HCRTR2: variants seen among roughly 807,000 people sequenced by gnomAD.
HCRTR2 encodes the protein orexin receptor type 2.
Under a neutral mutation model 49.0 loss-of-function variants are expected in HCRTR2, and 22 were observed. The ratio of observed to expected loss-of-function variants is 0.45; its 90% CI spans 0.32 to 0.64. The LOEUF is 0.64. HCRTR2 is among the 30% of genes least tolerant of loss of function. The probability of loss-of-function intolerance (pLI) is 0.04; values close to 1 mark genes in which losing one functional copy is unlikely to be tolerated. For synonymous variants in HCRTR2, 236 were observed against 205.3 expected, an observed-to-expected ratio of 1.15 and a Z score of -1.28; for missense variants, 491 against 559.4, an observed-to-expected ratio of 0.88 and a Z score of 1.23.
At chr6:55,245,384 T>C (rs905751042) in intron 1 of HCRTR2, among the ~76,000 whole-genome samples, 1 of 143,794 alleles carries the variant, frequency 7.0e-6, no homozygotes, top group Admixed American at 7.1e-5. Flanking sequence ...TATATATATA[T>C]ATGTATATAT....
intron 2 of HCRTR2, among the ~76,000 whole-genome samples, chr6:55,253,256 CTG>C: frequency 6.6e-6 from 1 of 151,810 alleles, no homozygotes; most frequent in Non-Finnish European, 1.5e-5. Flanking sequence ...AGGCCTAAAG[CTG>C]TAAAGTGAGT....
At chr6:55,174,293 C>G (rs201021145), upstream of HCRTR2, 5 of 453,532 alleles carry the variant, frequency 1.1e-5, no homozygotes, top group Non-Finnish European at 2.0e-5. Context: ...TTCAGCTGAG[C>G]CGGACGTAGC....
At chr6:55,251,892 T>C (rs1313427587) in intron 2 of HCRTR2, among the ~76,000 whole-genome samples, 1 of 152,010 alleles carries the variant, frequency 6.6e-6, no homozygotes, top group Non-Finnish European at 1.5e-5. Context: ...TCAACATTCA[T>C]AATCCACACT....
chr6:55,234,691 C>T (rs965823660), intron 1 of HCRTR2, among the ~76,000 whole-genome samples: 5 of 151,978 alleles, frequency 3.3e-5, no homozygotes, highest in Admixed American at 6.6e-5. Flanking sequence ...TCAAAAAGTA[C>T]GAAATGTTGG....
intron 5 of HCRTR2, among the ~76,000 whole-genome samples, chr6:55,277,823 C>G (rs1767108340): frequency 6.6e-6 from 1 of 152,120 alleles, no homozygotes; most frequent in South Asian, 2.1e-4. Flanking sequence ...AGTTGCATGG[C>G]AGACATAAAA....
At chr6:55,149,196 C>G (rs1296153261) in intron 1 of HCRTR2, among the ~76,000 whole-genome samples, 2 of 151,850 alleles carry the variant, frequency 1.3e-5, no homozygotes, top group African/African-American at 4.8e-5. Context: ...TTTTTTTTCT[C>G]AACCAAATAC....
chr6:55,120,503 A>C (rs1344451200), intron 1 of HCRTR2, among the ~76,000 whole-genome samples: 4 of 151,620 alleles, frequency 2.6e-5, no homozygotes, highest in Non-Finnish European at 5.9e-5. Flanking sequence ...TGGGTATTTT[A>C]TTCTCTTTGT....
At chr6:55,248,183 T>G (rs537948711) in intron 1 of HCRTR2, among the ~76,000 whole-genome samples, 1 of 152,224 alleles carries the variant, frequency 6.6e-6, no homozygotes, top group African/African-American at 2.4e-5. Flanking sequence ...CCTTAAAAAA[T>G]TATTTGTTAA....
At position 55,174,692 on chromosome 6, in the gene HCRTR2, C is replaced by T. The variant is rs201893337; in HGVS notation, c.105C>T (p.Asp35=). 1 of 1,614,044 alleles carries T rather than the reference C, an allele frequency of 6.2e-7. No homozygotes were observed. The highest frequency in any genetic ancestry group is 8.5e-7 in the Non-Finnish European group (1 of 1,179,992). ...CCTTTTTAAACCCCACCGACTATGA[C>T]GACGAGGAATTCCTGCGGTACCTGT... The part of the protein sequence containing the change: ...QEPFLNPTDY[D]DEEFLRYLWR... The change falls in exon 1 of 7, where the codon GAC becomes GAT. Residue 35 remains aspartate, a synonymous_variant. Transcript: ENST00000370862.
intron 1 of HCRTR2, among the ~76,000 whole-genome samples, chr6:55,118,812 A>C (rs1455173170): frequency 1.3e-5 from 2 of 151,526 alleles, no homozygotes; most frequent in African/African-American, 4.9e-5. Flanking sequence ...TTATACTTTA[A>C]GTTCTGGAGT....
chr6:55,195,784 T>C (rs1765398173), intron 1 of HCRTR2, among the ~76,000 whole-genome samples: 1 of 152,032 alleles, frequency 6.6e-6, no homozygotes, highest in Non-Finnish European at 1.5e-5. Context: ...ATCCTGTGAA[T>C]GGTGAAACCC....
intron 1 of HCRTR2, among the ~76,000 whole-genome samples, chr6:55,107,751 A>G (rs1237222227): frequency 6.6e-6 from 1 of 152,140 alleles, no homozygotes; most frequent in Admixed American, 6.5e-5. Context: ...ACATCCTGGT[A>G]TAGTTTTGAT....
intron 1 of HCRTR2, among the ~76,000 whole-genome samples, chr6:55,210,489 T>A (rs764008774): frequency 5.3e-5 from 8 of 152,078 alleles, no homozygotes; most frequent in Non-Finnish European, 8.8e-5. Context: ...ATACTACAAA[T>A]TCAAAAGTGG....
At chr6:55,141,017 C>T (rs1411301301) in intron 1 of HCRTR2, among the ~76,000 whole-genome samples, 1 of 152,026 alleles carries the variant, frequency 6.6e-6, no homozygotes, top group Non-Finnish European at 1.5e-5. Context: ...GATCATATAT[C>T]AAGTGACAGA....
At chr6:55,204,498 G>C (rs1374863756) in intron 1 of HCRTR2, among the ~76,000 whole-genome samples, 1 of 152,118 alleles carries the variant, frequency 6.6e-6, no homozygotes, top group African/African-American at 2.4e-5. Flanking sequence ...GGGGCAAAGA[G>C]TGGAAGCAGG....
chr6:55,236,505 A>G (rs934027190), intron 1 of HCRTR2, among the ~76,000 whole-genome samples: 1 of 152,032 alleles, frequency 6.6e-6, no homozygotes, highest in Non-Finnish European at 1.5e-5. Flanking sequence ...TCCAAACTTC[A>G]TTATTTTATT....
intron 1 of HCRTR2, among the ~76,000 whole-genome samples, chr6:55,217,947 G>A (rs777455002): frequency 1.3e-5 from 2 of 152,194 alleles, no homozygotes; most frequent in African/African-American, 2.4e-5. Context: ...ATATACAGAA[G>A]GGGATTTGTT....
upstream of HCRTR2, among the ~76,000 whole-genome samples, chr6:55,173,133 T>C: frequency 6.6e-6 from 1 of 152,220 alleles, no homozygotes; most frequent in Non-Finnish European, 1.5e-5. Flanking sequence ...ATGTTTATTT[T>C]GAATCTGTGA....
At position 55,263,939 on chromosome 6, in the gene HCRTR2, T is replaced by G. The variant is rs549018146; in HGVS notation, c.762+117T>G. ...TTTAGGATGCACTTATAAACAAAAT[T>G]TAAGAATGCATTGAACCAATATAAC... On this transcript the variant is annotated intron_variant, in intron 4 of 6. Coordinates refer to ENST00000370862, the MANE Select transcript of HCRTR2 (RefSeq NM_001384272.1). The G allele has an allele frequency of 1.1e-5, 8 of 709,254 alleles. 1 individual carries two copies. The East Asian group carries it at 2.2e-4, about 19-fold the overall frequency. 43.9% of individuals were successfully genotyped at this position (709,254 alleles called of 1,614,324 possible).
Sources: gnomAD v4.1 joint callset for allele counts (sites outside exome capture counted in the v4.1 genomes callset) on GRCh38, gnomAD v4.1.1 for gene constraint, MANE v1.5 for transcripts, NCBI Gene and HGNC (gene_info 2026-07-23, HGNC 2026-07-21) for gene names.